TENM3: variants seen among roughly 807,000 people sequenced by gnomAD.
TENM3 encodes the protein teneurin transmembrane protein 3, also known as teneurin-3.
TENM3 carries 63 observed loss-of-function variants against 255.1 expected under a neutral mutation model. The observed-to-expected ratio is 0.25, with a 90% CI of 0.20 to 0.30. TENM3 has a LOEUF of 0.30. Ranked by LOEUF, TENM3 falls within the 10% of genes least tolerant of loss-of-function variation. TENM3 has a pLI of 1.00. For missense variants in TENM3, 2,929 were observed against 3,461.1 expected (o/e 0.85, Z 3.86); for synonymous variants, 1,306 against 1,322.3 (o/e 0.99, Z 0.27).
chr4:181,998,346 A>T, the TENM3 span, among the ~76,000 whole-genome samples: 4,934 of 152,260 alleles, frequency 0.032, 246 homozygotes, highest in African/African-American at 0.11. Flanking sequence ...CAACGCTGAA[A>T]CAAGTGAAAG....
At chr4:181,962,683 T>C in the TENM3 span, among the ~76,000 whole-genome samples, 1 of 152,164 alleles carries the variant, frequency 6.6e-6, no homozygotes, top group East Asian at 1.9e-4. Flanking sequence ...AATTAACTAC[T>C]TTCTTTTTGC....
At chr4:181,647,851 A>C in the TENM3 span, among the ~76,000 whole-genome samples, 1 of 152,054 alleles carries the variant, frequency 6.6e-6, no homozygotes, top group Non-Finnish European at 1.5e-5. Context: ...AGAGAGAGGG[A>C]AATAGGCTCT....
At position 182,436,599 on chromosome 4, in the gene TENM3, G is replaced by A. The variant is rs558931177; in HGVS notation, c.511+89670G>A. The stretch of plus-strand genomic sequence containing the variant: ...GATCTTGCAAAGTATGTACACCTTC[G>A]GTAGGAAGAATAAAAGCACATGATA... On this transcript the variant is annotated intron_variant, in intron 3 of 27. Coordinates refer to ENST00000511685, the MANE Select transcript of TENM3 (RefSeq NM_001080477.4). 2.0e-5 allele frequency among the ~76,000 whole-genome samples: 3 copies of A among 152,230 alleles called. No individual in the cohort carries two copies. In the South Asian group the frequency reaches 6.2e-4, roughly 32 times the overall value.
intron 3 of TENM3, among the ~76,000 whole-genome samples, chr4:182,355,024 C>T (rs1291288955): frequency 6.6e-6 from 1 of 152,230 alleles, no homozygotes; most frequent in Non-Finnish European, 1.5e-5. Flanking sequence ...GGCAAACCGG[C>T]AAGTAGGCGT....
At chr4:182,544,224 G>C (rs1741186950) in intron 3 of TENM3, among the ~76,000 whole-genome samples, 1 of 151,310 alleles carries the variant, frequency 6.6e-6, no homozygotes, top group Non-Finnish European at 1.5e-5. Context: ...ACCCTATTCT[G>C]TGTTTTCTCG....
the TENM3 span, among the ~76,000 whole-genome samples, chr4:181,801,649 AAAATATATATATAT>A: frequency 8.7e-4 from 99 of 113,416 alleles, no homozygotes; most frequent in South Asian, 0.011. Context: ...AAAGAATTGT[AAAATATATATATAT>A]ATATATATAT....
the TENM3 span, among the ~76,000 whole-genome samples, chr4:181,536,168 G>A: frequency 2.0e-5 from 3 of 152,078 alleles, no homozygotes; most frequent in East Asian, 1.9e-4. Flanking sequence ...GCAATCTTAG[G>A]GTCCCACCTA....
the TENM3 span, among the ~76,000 whole-genome samples, chr4:181,656,364 G>A: frequency 6.6e-6 from 1 of 152,160 alleles, no homozygotes; most frequent in Non-Finnish European, 1.5e-5. Flanking sequence ...ATTTATGCAA[G>A]AGAGTAACAT....
intron 1 of TENM3, among the ~76,000 whole-genome samples, chr4:182,223,531 C>G (rs1031650085): frequency 3.3e-5 from 5 of 152,060 alleles, no homozygotes; most frequent in African/African-American, 1.2e-4. Flanking sequence ...TTACACCTTA[C>G]AGTTTATAAC....
At chr4:182,064,900 T>C in the TENM3 span, among the ~76,000 whole-genome samples, 2 of 152,184 alleles carry the variant, frequency 1.3e-5, no homozygotes, top group Admixed American at 1.3e-4. Flanking sequence ...TACATATTAT[T>C]TGTGTAACAG....
intron 1 of TENM3, among the ~76,000 whole-genome samples, chr4:182,321,877 G>A (rs1319220141): frequency 4.1e-5 from 6 of 146,580 alleles, no homozygotes; most frequent in African/African-American, 7.5e-5. Flanking sequence ...CCCAGGAGGC[G>A]GAGGTTGCAG....
chr4:182,763,504 G>T (rs1207611246), intron 22 of TENM3, among the ~76,000 whole-genome samples: 1 of 152,000 alleles, frequency 6.6e-6, no homozygotes, highest in Non-Finnish European at 1.5e-5. Flanking sequence ...GTTGGAGCTT[G>T]CAGTGAGCCC....
intron 1 of TENM3, among the ~76,000 whole-genome samples, chr4:182,281,173 G>A (rs1479479759): frequency 6.6e-6 from 1 of 152,138 alleles, no homozygotes; most frequent in Non-Finnish European, 1.5e-5. Flanking sequence ...CAGCCACACT[G>A]GGACATATGG....
the TENM3 span, among the ~76,000 whole-genome samples, chr4:181,866,044 G>A: frequency 6.6e-6 from 1 of 151,992 alleles, no homozygotes; most frequent in Non-Finnish European, 1.5e-5. Context: ...ATTTGCAAGG[G>A]GTATGAAATT....
chr4:182,757,311 CAAAAAAAAAAAAAA>C (rs10571604), intron 22 of TENM3, among the ~76,000 whole-genome samples: 9 of 53,608 alleles, frequency 1.7e-4, no homozygotes, highest in African/African-American at 7.0e-4. Flanking sequence ...GACTCCGTCT[CAAAAAAAAAAAAAA>C]AAAAAAAAAA....
the TENM3 span, among the ~76,000 whole-genome samples, chr4:181,634,857 AAATT>A: frequency 6.6e-6 from 1 of 152,170 alleles, no homozygotes; most frequent in African/African-American, 2.4e-5. Context: ...TTAGTTTTTG[AAATT>A]AATTAATAAA....
At chr4:181,826,849 G>A in the TENM3 span, among the ~76,000 whole-genome samples, 1 of 152,270 alleles carries the variant, frequency 6.6e-6, no homozygotes, top group South Asian at 2.1e-4. Flanking sequence ...AAGAGCCACT[G>A]CTCTAAAGGG....
At chr4:182,219,133 A>C (rs1755698306) in intron 1 of TENM3, among the ~76,000 whole-genome samples, 1 of 152,154 alleles carries the variant, frequency 6.6e-6, no homozygotes, top group Non-Finnish European at 1.5e-5. Flanking sequence ...GAGGCAGGTG[A>C]ATCGCTTGAA....
chr4:182,054,253 G>C, the TENM3 span, among the ~76,000 whole-genome samples: 1 of 151,894 alleles, frequency 6.6e-6, no homozygotes, highest in Admixed American at 6.6e-5. Flanking sequence ...GTATAACCCA[G>C]TCCATCTGAT....
Sources: gnomAD v4.1 joint callset for allele counts (sites outside exome capture counted in the v4.1 genomes callset) on GRCh38, gnomAD v4.1.1 for gene constraint, MANE v1.5 for transcripts, NCBI Gene and HGNC (gene_info 2026-07-23, HGNC 2026-07-21) for gene names.